Variants in STXBP4 observed in about 807,000 individuals in gnomAD.
STXBP4 encodes syntaxin-binding protein 4.
Under a neutral mutation model 76.1 loss-of-function variants are expected in STXBP4, and 55 were observed. The ratio of observed to expected loss-of-function variants is 0.72; its 90% confidence interval spans 0.58 to 0.91. The LOEUF (loss-of-function observed/expected upper bound fraction) is 0.91, where lower values mean the gene tolerates loss of function less well. STXBP4 is among the 40% of genes least tolerant of loss of function. STXBP4 has a pLI of 0.00. For missense variants in STXBP4, 618 were observed against 636.9 expected, an observed-to-expected ratio of 0.97 and a Z score of 0.32; for synonymous variants, 201 against 220.2, an observed-to-expected ratio of 0.91 and a Z score of 0.77.
At chr17:54,972,104 C>T (rs530990399) in intron 1 of STXBP4, among the ~76,000 whole-genome samples, 4 of 152,250 alleles carry the variant, frequency 2.6e-5, no homozygotes, top group African/African-American at 9.6e-5. Flanking sequence ...CAATTTATTC[C>T]GTGGTTTCAT....
intron 17 of STXBP4, among the ~76,000 whole-genome samples, chr17:55,150,761 T>G (rs944661562): frequency 6.6e-6 from 1 of 152,084 alleles, no homozygotes; most frequent in African/African-American, 2.4e-5. Flanking sequence ...AAGAGAAGGG[T>G]AGGCAGAATA....
intron 12 of STXBP4, among the ~76,000 whole-genome samples, chr17:55,056,495 A>C (rs1040349680): frequency 6.6e-6 from 1 of 152,196 alleles, no homozygotes; most frequent in Non-Finnish European, 1.5e-5. Flanking sequence ...TAATGTTTAC[A>C]TCCACACTAA....
At chr17:55,070,881 C>T (rs1463759047) in intron 12 of STXBP4, among the ~76,000 whole-genome samples, 1 of 152,064 alleles carries the variant, frequency 6.6e-6, no homozygotes, top group Non-Finnish European at 1.5e-5. Flanking sequence ...TAAGTCATAC[C>T]TGATGTTCTA....
chr17:55,185,262 TCCTTC>T, the STXBP4 span, among the ~76,000 whole-genome samples: 1 of 52,138 alleles, frequency 1.9e-5, no homozygotes, highest in African/African-American at 9.5e-5. Flanking sequence ...CTTCTCCTTC[TCCTTC>T]TCCTTCTCCT....
intron 1 of STXBP4, among the ~76,000 whole-genome samples, chr17:54,969,678 G>A (rs1168644370): frequency 1.3e-5 from 2 of 152,214 alleles, no homozygotes; most frequent in Non-Finnish European, 2.9e-5. Flanking sequence ...GGCCAGAGCA[G>A]GTATAATTAT....
At chr17:55,025,073 G>A (rs1360235604) in intron 8 of STXBP4, among the ~76,000 whole-genome samples, 9 of 150,394 alleles carry the variant, frequency 6.0e-5, no homozygotes, top group African/African-American at 2.0e-4. Flanking sequence ...CCCAGGAGGC[G>A]GAGCTTGCAG....
At chr17:54,972,157 C>A (rs1050578228) in intron 1 of STXBP4, among the ~76,000 whole-genome samples, 1 of 152,194 alleles carries the variant, frequency 6.6e-6, no homozygotes, top group Admixed American at 6.5e-5. Context: ...TGCCAGGTTT[C>A]TCTGTTACAA....
Position 55,022,597 on chromosome 17 carries a change from T to C in STXBP4, c.667-8571T>C, listed in dbSNP as rs537652289. 2.6e-5 allele frequency among the ~76,000 whole-genome samples: 4 copies of C among 152,270 alleles called. No individual in the cohort carries two copies. The South Asian group carries it at 6.2e-4, about 24-fold the overall frequency. ...AAAACAAGTGAATAACAAGAGTACA[T>C]GTCAGACAATAAGACATGGTAGATT... On this transcript the variant is annotated intron_variant, in intron 8 of 17. Coordinates refer to ENST00000376352, the MANE Select transcript of STXBP4 (RefSeq NM_178509.6).
intron 12 of STXBP4, among the ~76,000 whole-genome samples, chr17:55,047,923 G>A (rs2078811045): frequency 6.6e-6 from 1 of 151,704 alleles, no homozygotes; most frequent in African/African-American, 2.4e-5. Context: ...ACTGAAACCT[G>A]GAATACAGAG....
At chr17:55,194,147 A>G in the STXBP4 span, among the ~76,000 whole-genome samples, 1 of 152,124 alleles carries the variant, frequency 6.6e-6, no homozygotes, top group Non-Finnish European at 1.5e-5. Context: ...TCCTCATTCT[A>G]GAGGTACAGA....
chr17:55,191,885 T>C, the STXBP4 span, among the ~76,000 whole-genome samples: 2 of 152,188 alleles, frequency 1.3e-5, no homozygotes, highest in Non-Finnish European at 2.9e-5. Context: ...AGGCCCCCTG[T>C]ATTTCTGACT....
chr17:55,113,295 T>A (rs1414428599), intron 16 of STXBP4, among the ~76,000 whole-genome samples: 1 of 151,668 alleles, frequency 6.6e-6, no homozygotes. Flanking sequence ...GCTATATTAA[T>A]TTGCTTACTT....
chr17:55,053,084 G>A (rs1038467458), intron 12 of STXBP4, among the ~76,000 whole-genome samples: 1 of 151,650 alleles, frequency 6.6e-6, no homozygotes, highest in South Asian at 2.1e-4. Context: ...ATCCTCTACC[G>A]GAATGGGAAA....
At chr17:55,072,044 AC>A (rs2079126265) in intron 12 of STXBP4, among the ~76,000 whole-genome samples, 1 of 152,072 alleles carries the variant, frequency 6.6e-6, no homozygotes, top group African/African-American at 2.4e-5. Flanking sequence ...GGTTTTGGCT[AC>A]CCTTTCCTCT....
At chr17:55,126,760 A>G (rs1383217579) in intron 16 of STXBP4, among the ~76,000 whole-genome samples, 2 of 152,228 alleles carry the variant, frequency 1.3e-5, no homozygotes, top group African/African-American at 2.4e-5. Context: ...CTGGGTTTCT[A>G]TATTCCATAG....
chr17:55,032,125 A>G (rs2078519703), intron 9 of STXBP4, among the ~76,000 whole-genome samples: 1 of 152,174 alleles, frequency 6.6e-6, no homozygotes, highest in East Asian at 1.9e-4. Flanking sequence ...TTGCACATAT[A>G]TTCGTTCCAC....
In STXBP4 at chr17:55,005,290, G is replaced by A. The variant is rs116735632; in HGVS notation, c.575-2216G>A. Among the ~76,000 whole-genome samples the A allele has an allele frequency of 6.3e-3, 963 of 152,224 alleles. 13 individuals carry two copies. Among genetic ancestry groups the A allele is most frequent in the African/African-American group, 0.022 (908 of 41,544 alleles). On this transcript the variant is annotated intron_variant, in intron 7 of 17. Coordinates refer to ENST00000376352, the MANE Select transcript of STXBP4 (RefSeq NM_178509.6). ...ATGTTGAACACACTTAAGAACATTG[G>A]TCTGGAGTCACAAGAGATTAGACTC...
chr17:55,050,320 A>G (rs931053234), intron 12 of STXBP4, among the ~76,000 whole-genome samples: 1 of 152,126 alleles, frequency 6.6e-6, no homozygotes, highest in African/African-American at 2.4e-5. Flanking sequence ...ACCTGAACAG[A>G]TAATTCATCA....
At chr17:55,144,428 C>A (rs916248347) in intron 17 of STXBP4, among the ~76,000 whole-genome samples, 9 of 152,234 alleles carry the variant, frequency 5.9e-5, no homozygotes, top group African/African-American at 2.2e-4. Flanking sequence ...TATACAGAGG[C>A]CAGTGAACAA....
Sources: allele counts gnomAD v4.1 joint callset (sites outside exome capture counted in the v4.1 genomes callset), GRCh38; gene constraint gnomAD v4.1.1; transcripts MANE v1.5; gene names NCBI Gene and HGNC (gene_info 2026-07-23, HGNC 2026-07-21).